The following TRIP11 variants were observed in gnomAD, a reference collection of about 807,000 sequenced individuals.
The protein encoded by TRIP11 is thyroid hormone receptor interactor 11.
TRIP11 carries 148 observed loss-of-function variants against 223.1 expected under a neutral mutation model. The ratio of observed to expected loss-of-function variants is 0.66; its 90% CI spans 0.58 to 0.76. The LOEUF is 0.76. Among genes scored for constraint, TRIP11 ranks in the 30% least tolerant of loss-of-function variants. TRIP11 has a pLI of 0.00. For missense variants in TRIP11, 2,043 were observed against 2,222.0 expected (o/e 0.92, Z 1.62); for synonymous variants, 762 against 772.6 (o/e 0.99, Z 0.23).
rs1027591602 is a variant in TRIP11 at position 92,018,989 on chromosome 14, A to C, written c.589-1239T>G. ...AAAAAAAAAAAAAAACAAAAAAAAA[A>C]CTTTCAGTTTCCTTATTTATAAAAT... On this transcript the variant is annotated intron_variant, in intron 4 of 20. Coordinates refer to ENST00000267622, the MANE Select transcript of TRIP11 (RefSeq NM_004239.4). Among the ~76,000 whole-genome samples the C allele has an allele frequency of 7.3e-5, 11 of 151,116 alleles. No homozygotes were observed. The East Asian group carries it at 7.7e-4, about 11-fold the overall frequency.
At chr14:92,022,492 C>G (rs1163201044) in intron 3 of TRIP11, among the ~76,000 whole-genome samples, 1 of 152,132 alleles carries the variant, frequency 6.6e-6, no homozygotes, top group African/African-American at 2.4e-5. Context: ...AAAATCTGAC[C>G]TATTTAGGAA....
intron 9 of TRIP11, among the ~76,000 whole-genome samples, chr14:92,009,185 C>CT (rs1348810912): frequency 6.6e-6 from 1 of 152,146 alleles, no homozygotes; most frequent in African/African-American, 2.4e-5. Context: ...CTCATAGGTA[C>CT]TTTTTAAAAA....
intron 2 of TRIP11, among the ~76,000 whole-genome samples, chr14:92,031,152 A>C (rs1423693592): frequency 6.6e-6 from 1 of 151,976 alleles, no homozygotes; most frequent in Admixed American, 6.6e-5. Flanking sequence ...TTGGAGATGG[A>C]GTCTTGCTTA....
intron 5 of TRIP11, 59 bp downstream of exon 5, chr14:92,017,623 G>C: frequency 1.5e-6 from 2 of 1,325,094 alleles, no homozygotes; most frequent in South Asian, 2.4e-5. Flanking sequence ...TCAGGCCTAT[G>C]CTTTTAATAA....
At chr14:91,977,191 G>T (rs1038847343) in intron 16 of TRIP11, 14 of 452,350 alleles carry the variant, frequency 3.1e-5, no homozygotes, top group African/African-American at 2.6e-4. Flanking sequence ...TATCAGATAT[G>T]ATTTACAAAC....
chr14:91,994,076 A>C (rs933884934), intron 14 of TRIP11, among the ~76,000 whole-genome samples, 164 bp from the exon 15 acceptor site: 1 of 152,104 alleles, frequency 6.6e-6, no homozygotes, highest in African/African-American at 2.4e-5. Flanking sequence ...AACTAATGAG[A>C]TCACTTTCCT....
chr14:92,023,887 G>A (rs1029729869), intron 3 of TRIP11, among the ~76,000 whole-genome samples: 15 of 147,884 alleles, frequency 1.0e-4, no homozygotes, highest in African/African-American at 3.8e-4. Flanking sequence ...ACGGAGTCTC[G>A]TTCTGTGACC....
intron 16 of TRIP11, among the ~76,000 whole-genome samples, chr14:91,977,455 C>A (rs1350592459): frequency 6.6e-6 from 1 of 152,096 alleles, no homozygotes; most frequent in Non-Finnish European, 1.5e-5. Context: ...CAACTTCATT[C>A]TTTTGCACAT....
At chr14:91,982,072 G>T (rs1213315187) in intron 16 of TRIP11, among the ~76,000 whole-genome samples, 1 of 152,000 alleles carries the variant, frequency 6.6e-6, no homozygotes, top group African/African-American at 2.4e-5. Context: ...AATTCCACTA[G>T]ATCAGAATCT....
chr14:91,982,564 C>T (rs1014208323), intron 16 of TRIP11, among the ~76,000 whole-genome samples: 1 of 152,154 alleles, frequency 6.6e-6, no homozygotes, highest in Admixed American at 6.5e-5. Flanking sequence ...CAGTGTCAAG[C>T]AGTAATAAAC....
In TRIP11 at chr14:91,967,135, C is replaced by CTTTTTTATTTTTTTTTT; in HGVS notation, c.*2537_*2538insAAAAAAAAAATAAAAAA. ...ACAATGAAAACATTAGGTACTATAG[C>CTTTTTTATTTTTTTTTT]TTTTTTTTTTTTTTTTTTTTTTTTG... On this transcript the variant is annotated 3_prime_UTR_variant, in exon 21 of 21. Coordinates refer to ENST00000267622, the MANE Select transcript of TRIP11 (RefSeq NM_004239.4). 1.2e-5 allele frequency: 1 copy of CTTTTTTATTTTTTTTTT among 85,354 alleles called. No homozygotes were observed. The highest frequency in any genetic ancestry group is 6.1e-5 in the African/African-American group (1 of 16,414). The allele number at this position is 85,354 out of a possible 1,614,324, so 5.3% of individuals were successfully genotyped here.
At chr14:92,034,382 T>C (rs111713587) in intron 1 of TRIP11, among the ~76,000 whole-genome samples, 5,257 of 150,684 alleles carry the variant, frequency 0.035, 260 homozygotes, top group African/African-American at 0.11. Context: ...GACACTGTGC[T>C]ACTGCACTCC....
chr14:91,987,556 T>A (rs995782252), intron 16 of TRIP11, among the ~76,000 whole-genome samples: 1 of 152,222 alleles, frequency 6.6e-6, no homozygotes, highest in South Asian at 2.1e-4. Context: ...AACCTAGACA[T>A]CTAAAGTTGA....
Position 92,005,973 on chromosome 14 carries a change from A to G in TRIP11, c.2003T>C (p.Leu668Ser). 1 of 1,612,434 alleles carries G rather than the reference A, an allele frequency of 6.2e-7. No individual in the cohort carries two copies. Among genetic ancestry groups the G allele is most frequent in the Non-Finnish European group, 8.5e-7 (1 of 1,179,622 alleles). The change falls in exon 11 of 21, where the codon TTA (leucine) becomes TCA (serine). Residue 668 changes from leucine to serine, a missense_variant. By Grantham distance (145) the Leu-to-Ser change is moderately radical (BLOSUM62 -2). Coordinates refer to ENST00000267622, the MANE Select transcript of TRIP11 (RefSeq NM_004239.4). The stretch of plus-strand genomic sequence containing the variant: ...TTTGACATCAAAAGCAACTTTCTTT[A>G]AATTTTCATTGAGCTGTTCTAATTC... ...LSELEQLNEN[L>S]KKVAFDVKME...
chr14:92,004,911 A>T lies in TRIP11; in HGVS notation c.3065T>A (p.Val1022Glu), dbSNP rs1292823013. The T allele has an allele frequency of 1.2e-6, 2 of 1,613,822 alleles. No homozygotes were observed. The highest frequency in any genetic ancestry group is 1.7e-6 in the Non-Finnish European group (2 of 1,179,986). The change falls in exon 11 of 21, where the codon GTG becomes GAG. Residue 1022 changes from valine (V) to glutamate (E), a missense_variant. By Grantham distance (121) the Val-to-Glu change is moderately radical. Transcript: ENST00000267622. ...DLSKAETERLVKGIKERELEI... is the reference protein window; with the variant it reads ...DLSKAETERLEKGIKERELEI... ...CAGTTCTCGCTCTTTTATTCCTTTC[A>T]CTAATCTTTCCGTTTCAGCTTTAGA...
In TRIP11 at chr14:91,978,500, A is replaced by T. The variant is rs1417993479; in HGVS notation, c.5261-2311T>A. On this transcript the variant is annotated intron_variant, in intron 16 of 20. Coordinates refer to ENST00000267622, the MANE Select transcript of TRIP11 (RefSeq NM_004239.4). The surrounding 1 kb of genome is among the most constrained non-coding windows in gnomAD (Gnocchi z 4.4). The stretch of plus-strand genomic sequence containing the variant: ...TTTGGTTATACTGGGTTATATATAA[A>T]ATATATATGTGTGTATATATATTTG... Among the ~76,000 whole-genome samples, 1 of 152,138 alleles carries T rather than the reference A, an allele frequency of 6.6e-6. No homozygotes were observed. Among genetic ancestry groups the T allele is most frequent in the African/African-American group, 2.4e-5 (1 of 41,426 alleles).
chr14:91,969,330 C>T lies in TRIP11; in HGVS notation c.*343G>A. 2.9e-6 allele frequency: 1 copy of T among 348,836 alleles called. No homozygotes were observed. The highest frequency in any genetic ancestry group is 4.4e-5 in the Admixed American group (1 of 22,680). The allele number at this position is 348,836 out of a possible 1,614,324, so 21.6% of individuals were successfully genotyped here. The stretch of plus-strand genomic sequence containing the variant: ...TCTCTTGATAAACCACAATCTCTAG[C>T]TTAAATGAGCTTGGAAATCACAAAA... On this transcript the variant is annotated 3_prime_UTR_variant, in exon 21 of 21. Coordinates refer to ENST00000267622, the MANE Select transcript of TRIP11 (RefSeq NM_004239.4).
intron 11 of TRIP11, 121 bp from the exon 12 acceptor site, chr14:92,000,229 ACTCT>A: frequency 1.4e-6 from 2 of 1,477,618 alleles, no homozygotes; most frequent in Non-Finnish European, 1.8e-6. Context: ...CTCCCGATTT[ACTCT>A]CTGAGTAGGC....
intron 14 of TRIP11, among the ~76,000 whole-genome samples, chr14:91,994,129 C>T (rs1159430753): frequency 6.6e-6 from 1 of 152,126 alleles, no homozygotes; most frequent in African/African-American, 2.4e-5. Flanking sequence ...GCAGATTCTT[C>T]TCTCCCTTCG....
Sources: allele counts gnomAD v4.1 joint callset (sites outside exome capture counted in the v4.1 genomes callset), GRCh38; gene constraint gnomAD v4.1.1; non-coding constraint Gnocchi (gnomAD v3.1); transcripts MANE v1.5; gene names NCBI Gene and HGNC (gene_info 2026-07-23, HGNC 2026-07-21).